The following AKAP13 variants were observed in gnomAD, a reference collection of about 807,000 sequenced individuals.
The protein encoded by AKAP13 is A-kinase anchoring protein 13.
AKAP13 carries 80 observed loss-of-function variants against 264.5 expected under a neutral mutation model. The observed-to-expected ratio is 0.30, with a 90% CI of 0.25 to 0.36. The LOEUF (loss-of-function observed/expected upper bound fraction) is 0.36. Ranked by LOEUF, AKAP13 falls within the 10% of genes least tolerant of loss-of-function variation. The pLI, the probability that AKAP13 is intolerant of heterozygous loss-of-function variation, is 1.00. For synonymous variants in AKAP13, 1,380 were observed against 1,250.2 expected, an observed-to-expected ratio of 1.10 and a Z score of -2.19; for missense variants, 3,712 against 3,435.2, an observed-to-expected ratio of 1.08 and a Z score of -2.01.
In AKAP13 at chr15:85,392,603, G is replaced by T. The variant is rs1190196058; in HGVS notation, c.-12+11805G>T. Among the ~76,000 whole-genome samples the T allele has an allele frequency of 1.6e-4, 24 of 152,006 alleles. 1 individual carries two copies. The highest frequency in any genetic ancestry group is 1.6e-3 in the Admixed American group (24 of 15,254). On this transcript the variant is annotated intron_variant, in intron 1 of 36. Coordinates refer to ENST00000394518, the MANE Select transcript of AKAP13 (RefSeq NM_007200.5). Reference sequence around the variant, plus strand: ...TTTTTTTGTTAAGAAATGAGGTTTTGCCGTGTTGCCTAGGCTGGACTTGAA... The same window carrying T: ...TTTTTTTGTTAAGAAATGAGGTTTTTCCGTGTTGCCTAGGCTGGACTTGAA...
intron 10 of AKAP13, among the ~76,000 whole-genome samples, chr15:85,650,777 A>AAAAAAAAAAAAAAAAAAAAAAAAAAC (rs2082783562): frequency 7.0e-6 from 1 of 143,552 alleles, no homozygotes; most frequent in South Asian, 2.2e-4. Flanking sequence ...AAAAAAAAAA[A>AAAAAAAAAAAAAAAAAAAAAAAAAAC]AAAAAAAAAA....
At chr15:85,627,817 T>A (rs1567163163) in intron 8 of AKAP13, 1 of 152,092 alleles carries the variant, frequency 6.6e-6, no homozygotes, top group East Asian at 1.9e-4. Flanking sequence ...CTTGAAGGAG[T>A]CTGTGACGTG....
At chr15:85,600,973 C>T (rs1249621983) in intron 8 of AKAP13, among the ~76,000 whole-genome samples, 3 of 152,216 alleles carry the variant, frequency 2.0e-5, no homozygotes, top group Admixed American at 6.5e-5. Context: ...GAGGTAAAGC[C>T]TTACGTGCCA....
intron 8 of AKAP13, among the ~76,000 whole-genome samples, chr15:85,637,884 G>GTTTTTT (rs34885165): frequency 8.2e-6 from 1 of 122,542 alleles, no homozygotes; most frequent in Non-Finnish European, 1.7e-5. Flanking sequence ...TTATTTAGAA[G>GTTTTTT]TTTTTTTTTT....
intron 1 of AKAP13, among the ~76,000 whole-genome samples, chr15:85,382,460 T>C (rs2070332399): frequency 6.6e-6 from 1 of 152,172 alleles, no homozygotes; most frequent in African/African-American, 2.4e-5. Flanking sequence ...GCTCCATGGC[T>C]TCCCTTCCTG....
intron 19 of AKAP13, among the ~76,000 whole-genome samples, chr15:85,710,855 CT>C (rs1567207829): frequency 6.6e-6 from 1 of 152,150 alleles, no homozygotes; most frequent in Admixed American, 6.5e-5. Context: ...CTAAAACAGT[CT>C]GTGTATTAGC....
chr15:85,493,993 A>G (rs1319150209), intron 2 of AKAP13, among the ~76,000 whole-genome samples: 5 of 152,244 alleles, frequency 3.3e-5, no homozygotes, highest in African/African-American at 7.2e-5. Context: ...CCTATATTCA[A>G]GGGTACACCT....
intron 1 of AKAP13, chr15:85,480,934 A>G (rs966341872): frequency 8.5e-5 from 13 of 152,220 alleles, no homozygotes; most frequent in African/African-American, 2.9e-4. Context: ...TGAAGTGATC[A>G]GCCTGCCTTG....
In AKAP13 at chr15:85,602,690, A is replaced by G. The variant is rs1289156370; in HGVS notation, c.4161+16867A>G. Among the ~76,000 whole-genome samples the G allele has an allele frequency of 3.9e-5, 6 of 151,912 alleles. 1 individual carries two copies. The South Asian group carries it at 1.0e-3, about 26-fold the overall frequency. ...TTTTTAGTAGAGACAGGATTTCACC[A>G]TGTTGGCCAGCCTGGTCTTGAACTC... On this transcript the variant is annotated intron_variant, in intron 8 of 36. Coordinates refer to ENST00000394518, the MANE Select transcript of AKAP13 (RefSeq NM_007200.5).
At chr15:85,388,062 A>T (rs1240547854) in intron 1 of AKAP13, among the ~76,000 whole-genome samples, 4 of 143,078 alleles carry the variant, frequency 2.8e-5, no homozygotes, top group South Asian at 2.2e-4. Flanking sequence ...TGAGATAGAG[A>T]CTCGCTCTGT....
At position 85,579,384 on chromosome 15, in the gene AKAP13, T is replaced by C. The variant is rs2079112317; in HGVS notation, c.1316T>C (p.Leu439Pro). The change falls in exon 7 of 37, where the codon CTG (leucine) becomes CCG (proline). Residue 439 changes from leucine to proline, a missense_variant. Leu to Pro is a moderately conservative substitution (Grantham distance 98). Transcript: ENST00000394518. ...SSGMPTDQES[L>P]SSGDAVLQRD... ...GGAATGCCCACAGACCAGGAGTCCC[T>C]GAGCAGTGGAGATGCTGTGCTTCAG... is the stretch of plus-strand genomic sequence containing the variant. The C allele has an allele frequency of 6.2e-7, 1 of 1,614,208 alleles. No homozygotes were observed.
At chr15:85,523,630 G>C (rs774491573) in intron 3 of AKAP13, among the ~76,000 whole-genome samples, 1 of 152,042 alleles carries the variant, frequency 6.6e-6, no homozygotes, top group Non-Finnish European at 1.5e-5. Context: ...TCAGCTTTAT[G>C]AGGACAAGGA....
intron 11 of AKAP13, 90 bp from the exon 12 acceptor site, chr15:85,658,447 C>G: frequency 9.2e-7 from 1 of 1,091,886 alleles, no homozygotes; most frequent in South Asian, 1.4e-5. Context: ...AGCAGTGTCT[C>G]TCTCCCCAGT....
intron 8 of AKAP13, among the ~76,000 whole-genome samples, chr15:85,614,122 A>G (rs971641567): frequency 3.3e-5 from 5 of 152,162 alleles, no homozygotes; most frequent in East Asian, 1.9e-4. Context: ...AGTGTGCACC[A>G]TGTCAGAGGA....
intron 1 of AKAP13, among the ~76,000 whole-genome samples, chr15:85,470,306 C>A (rs1041918866): frequency 6.6e-6 from 1 of 151,898 alleles, no homozygotes; most frequent in Non-Finnish European, 1.5e-5. Flanking sequence ...CCAAACCAAA[C>A]CAAACCAAAA....
chr15:85,519,117 G>A (rs375059683), intron 2 of AKAP13, among the ~76,000 whole-genome samples: 3 of 151,824 alleles, frequency 2.0e-5, no homozygotes, highest in African/African-American at 4.8e-5. Context: ...TCCTGTAAAA[G>A]TCCAGATAGT....
At chr15:85,520,718 C>T (rs761104000) in intron 2 of AKAP13, 1 of 518,818 alleles carries the variant, frequency 1.9e-6, no homozygotes, top group Non-Finnish European at 3.8e-6. Flanking sequence ...ATATTATAGA[C>T]CGAGAGTTGA....
intron 1 of AKAP13, among the ~76,000 whole-genome samples, chr15:85,452,845 C>G (rs995183718): frequency 1.3e-5 from 2 of 152,190 alleles, no homozygotes; most frequent in Admixed American, 1.3e-4. Context: ...CAGTACAGCT[C>G]TGGGGAGATC....
chr15:85,458,691 A>G (rs1015802997), intron 1 of AKAP13, among the ~76,000 whole-genome samples: 5 of 152,066 alleles, frequency 3.3e-5, no homozygotes, highest in African/African-American at 9.7e-5. Flanking sequence ...AGTTTTTACA[A>G]CTGAAGATTT....
Sources: allele counts gnomAD v4.1 joint callset (sites outside exome capture counted in the v4.1 genomes callset), GRCh38; gene constraint gnomAD v4.1.1; transcripts MANE v1.5; gene names NCBI Gene and HGNC (gene_info 2026-07-23, HGNC 2026-07-21).